MBD5: variants seen among roughly 807,000 people sequenced by gnomAD.
MBD5 encodes methyl-CpG-binding domain protein 5.
MBD5 carries 13 observed loss-of-function variants against 117.3 expected under a neutral mutation model. That is an observed-to-expected ratio of 0.11 (90% CI 0.07 to 0.18). The LOEUF is 0.18. Among genes scored for constraint, MBD5 ranks in the 10% least tolerant of loss-of-function variants. The pLI, the probability that MBD5 is intolerant of heterozygous loss-of-function variation, is 1.00. For synonymous variants in MBD5, 727 were observed against 766.4 expected, an observed-to-expected ratio of 0.95 and a Z score of 0.85; for missense variants, 1,879 against 2,093.8, an observed-to-expected ratio of 0.90 and a Z score of 2.00.
intron 8 of MBD5, among the ~76,000 whole-genome samples, chr2:148,477,843 AATTTT>A (rs1681020686): frequency 6.6e-6 from 1 of 152,184 alleles, no homozygotes; most frequent in African/African-American, 2.4e-5. Flanking sequence ...TAGGTTCTTG[AATTTT>A]ATAGATAAAA....
At chr2:148,165,720 A>G (rs1044096438) in intron 1 of MBD5, among the ~76,000 whole-genome samples, 1 of 152,114 alleles carries the variant, frequency 6.6e-6, no homozygotes, top group Admixed American at 6.5e-5. Context: ...CTGCAACAAT[A>G]TCTACAGCTC....
intron 4 of MBD5, among the ~76,000 whole-genome samples, chr2:148,419,055 G>T (rs1168558726): frequency 1.3e-5 from 2 of 152,096 alleles, no homozygotes; most frequent in African/African-American, 2.4e-5. Flanking sequence ...GAACAGAATA[G>T]AGAACCCAGA....
At chr2:148,475,669 A>C (rs1192989006) in intron 8 of MBD5, among the ~76,000 whole-genome samples, 1 of 152,294 alleles carries the variant, frequency 6.6e-6, no homozygotes, top group South Asian at 2.1e-4. Flanking sequence ...GAAATCCTTC[A>C]GTTCTCTAGA....
chr2:148,399,011 T>C (rs943947518), intron 4 of MBD5, among the ~76,000 whole-genome samples: 2 of 152,218 alleles, frequency 1.3e-5, no homozygotes, highest in African/African-American at 2.4e-5. Flanking sequence ...CATTGGTCTA[T>C]ATCTCTGTTT....
chr2:148,256,245 T>C (rs1483435917), intron 3 of MBD5, among the ~76,000 whole-genome samples: 2 of 152,228 alleles, frequency 1.3e-5, no homozygotes, highest in African/African-American at 2.4e-5. Context: ...CCAATGCGTA[T>C]TGACCTGTTG....
intron 1 of MBD5, among the ~76,000 whole-genome samples, chr2:148,167,676 A>G (rs1698160755): frequency 6.6e-6 from 1 of 152,192 alleles, no homozygotes; most frequent in Admixed American, 6.5e-5. Context: ...GATGTCCTTT[A>G]GGATCTCCTA....
chr2:148,138,699 TAAAG>T (rs982373613), intron 1 of MBD5, among the ~76,000 whole-genome samples: 1 of 152,054 alleles, frequency 6.6e-6, no homozygotes, highest in African/African-American at 2.4e-5. Flanking sequence ...ATGCTTGAGA[TAAAG>T]AAATTGAACA....
chr2:148,280,142 A>AAC (rs1553493525), intron 3 of MBD5, among the ~76,000 whole-genome samples: 4 of 148,254 alleles, frequency 2.7e-5, no homozygotes, highest in South Asian at 2.1e-4. Flanking sequence ...AAAAAAAAAA[A>AAC]AAAAAAAACA....
intron 1 of MBD5, among the ~76,000 whole-genome samples, chr2:148,130,806 G>A (rs1278276618): frequency 6.6e-6 from 1 of 152,206 alleles, no homozygotes; most frequent in African/African-American, 2.4e-5. Context: ...AGAGTTAACA[G>A]CAGCAGGAAT....
intron 1 of MBD5, among the ~76,000 whole-genome samples, chr2:148,162,729 C>T (rs971858206): frequency 4.6e-5 from 7 of 151,724 alleles, no homozygotes; most frequent in Non-Finnish European, 1.0e-4. Flanking sequence ...TACATTCTAA[C>T]AAACAAAAAA....
intron 3 of MBD5, among the ~76,000 whole-genome samples, chr2:148,313,968 A>G (rs1441972363): frequency 6.6e-6 from 1 of 151,352 alleles, no homozygotes; most frequent in East Asian, 2.0e-4. Context: ...CATGGGCTGC[A>G]CCCACTGTCT....
rs796228722 is a variant in MBD5 at position 148,079,885 on chromosome 2, AAC to A, written c.-925+58203_-925+58204del. ...CAACAACAACAACAACAACAACAAC[AAC>A]AACAACAACAACAACAAAAACTTGC... On this transcript the variant is annotated intron_variant, in intron 1 of 13. Transcript: ENST00000642680. 7.7e-5 allele frequency among the ~76,000 whole-genome samples: 4 copies of A among 52,178 alleles called. No individual in the cohort carries two copies. In the East Asian group the frequency reaches 2.5e-3, roughly 32 times the overall value. 34.2% of individuals were successfully genotyped at this position (52,178 alleles called of 152,430 possible). A position where few individuals can be genotyped will look rare whatever the true frequency, so the allele number is the denominator to read the frequency against.
intron 1 of MBD5, among the ~76,000 whole-genome samples, chr2:148,126,630 G>A (rs1343004881): frequency 1.3e-5 from 2 of 151,944 alleles, no homozygotes; most frequent in Non-Finnish European, 2.9e-5. Flanking sequence ...TTCAGGTTGT[G>A]GTATCATATG....
intron 3 of MBD5, among the ~76,000 whole-genome samples, chr2:148,240,096 G>T (rs1160426444): frequency 6.6e-6 from 1 of 152,172 alleles, no homozygotes; most frequent in African/African-American, 2.4e-5. Context: ...ATTAAAAAAG[G>T]ATGAGTTCAT....
At chr2:148,246,428 T>C (rs1007641641) in intron 3 of MBD5, among the ~76,000 whole-genome samples, 14 of 152,148 alleles carry the variant, frequency 9.2e-5, no homozygotes, top group Non-Finnish European at 2.9e-5. Context: ...TGTTAAATAG[T>C]ACTGAGTGCC....
chr2:148,349,575 G>A (rs1246015425), intron 4 of MBD5, among the ~76,000 whole-genome samples: 1 of 151,920 alleles, frequency 6.6e-6, no homozygotes, highest in Non-Finnish European at 1.5e-5. Context: ...GAAGAAAACA[G>A]CATTAATATG....
intron 1 of MBD5, among the ~76,000 whole-genome samples, chr2:148,083,190 A>G (rs1695691818): frequency 1.3e-5 from 2 of 152,240 alleles, no homozygotes; most frequent in African/African-American, 4.8e-5. Flanking sequence ...TTTCTGCTAT[A>G]TAAAATGTTA....
At chr2:148,262,012 G>T (rs1202347422) in intron 3 of MBD5, among the ~76,000 whole-genome samples, 1 of 152,052 alleles carries the variant, frequency 6.6e-6, no homozygotes, top group African/African-American at 2.4e-5. Flanking sequence ...ATGTGTTGTG[G>T]CACCCCAAAA....
At chr2:148,234,497 C>T (rs949962701) in intron 3 of MBD5, among the ~76,000 whole-genome samples, 14 of 152,124 alleles carry the variant, frequency 9.2e-5, no homozygotes, top group Non-Finnish European at 1.9e-4. Flanking sequence ...ATTTATTCTG[C>T]AACTTTTTGG....
Sources: allele counts gnomAD v4.1 joint callset (sites outside exome capture counted in the v4.1 genomes callset), GRCh38; gene constraint gnomAD v4.1.1; transcripts MANE v1.5; gene names NCBI Gene and HGNC (gene_info 2026-07-23, HGNC 2026-07-21).